The following FSCB variants were observed in gnomAD, a reference collection of about 807,000 sequenced individuals.
FSCB encodes fibrous sheath CABYR-binding protein.
For missense variants in FSCB, 975 were observed against 934.8 expected, an observed-to-expected ratio of 1.04 and a Z score of -0.56; for synonymous variants, 331 against 336.6, an observed-to-expected ratio of 0.98 and a Z score of 0.18.
rs1000733264 is a variant in FSCB at position 44,506,540 on chromosome 14, T to C, written c.448A>G (p.Lys150Glu). ...WTMMNIPPVE[K>E]VDKEQQTYFS... ...TATGTCTGTTGTTCCTTGTCCACTT[T>C]TTCTACAGGGGGGATGTTCATCATG... Residue 150 changes from lysine (K) to glutamate (E), a missense_variant, in exon 1 of 1, where the codon AAA becomes GAA. Transcript: ENST00000340446. 2 of 1,614,210 alleles carry C rather than the reference T, an allele frequency of 1.2e-6. No individual in the cohort carries two copies. Among genetic ancestry groups the C allele is most frequent in the Admixed American group, 1.7e-5 (1 of 60,024 alleles).
chr14:44,505,540 G>C lies in FSCB; in HGVS notation c.1448C>G (p.Pro483Arg). The change falls in exon 1 of 1, where the codon CCT becomes CGT. Residue 483 changes from proline (P) to arginine (R), a missense_variant. Physicochemically the swap from Pro to Arg is moderately radical, Grantham distance 103. Transcript: ENST00000340446. The stretch of plus-strand genomic sequence containing the variant: ...AGCTTCGGCAGGAGTTTCATCTGCA[G>C]GAGGCTCCGTAGCTGCTAGAAGCTG... ...EIQLLAATEP[P>R]ADETPAEARS... The C allele has an allele frequency of 6.2e-7, 1 of 1,612,386 alleles. No homozygotes were observed. Among genetic ancestry groups the C allele is most frequent in the Non-Finnish European group, 8.5e-7 (1 of 1,179,910 alleles).
chr14:44,505,881 A>G lies in FSCB; in HGVS notation c.1107T>C (p.Pro369=). 2 of 1,613,756 alleles carry G rather than the reference A, an allele frequency of 1.2e-6. No individual in the cohort carries two copies. The highest frequency in any genetic ancestry group is 1.7e-6 in the Non-Finnish European group (2 of 1,179,754). ...CTGAAGGAGACTTTTCAGCTGGTGG[A>G]GGCAGAATTTCAGCAGGAGGCTCTT... ...PSEEPPAEIL[P]PPAEKSPSVE... Residue 369 remains proline, a synonymous_variant, in exon 1 of 1, where the codon CCT becomes CCC. Coordinates refer to ENST00000340446, the MANE Select transcript of FSCB (RefSeq NM_032135.4).
In FSCB at chr14:44,505,486, G is replaced by A; in HGVS notation, c.1502C>T (p.Ala501Val). The A allele has an allele frequency of 6.2e-7, 1 of 1,612,294 alleles. No homozygotes were observed. The highest frequency in any genetic ancestry group is 2.2e-5 in the East Asian group (1 of 44,828). Residue 501 changes from alanine to valine, a missense_variant, in exon 1 of 1, where the codon GCA becomes GTA. Transcript: ENST00000340446. The part of the protein sequence containing the change: ...ARSPLSEETS[A>V]EEAHAEVQSP... ...TTGAACTTCAGCATGAGCCTCTTCT[G>A]CAGAAGTCTCCTCAGATAGTGGAGA...
chr14:44,505,135 G>C lies in FSCB; in HGVS notation c.1853C>G (p.Ala618Gly). The C allele has an allele frequency of 6.2e-7, 1 of 1,606,006 alleles. No individual in the cohort carries two copies. The highest frequency in any genetic ancestry group is 8.5e-7 in the Non-Finnish European group (1 of 1,178,990). The change falls in exon 1 of 1, where the codon GCC becomes GGC. Residue 618 changes from alanine (A) to glycine (G), a missense_variant. By Grantham distance (60) the Ala-to-Gly change is moderately conservative (BLOSUM62 0). Coordinates refer to ENST00000340446, the MANE Select transcript of FSCB (RefSeq NM_032135.4). The part of the protein sequence containing the change: ...AEVQPPPAEE[A>G]PAEVQPPPAE... ...TGGTGGAGGCTGAACTTCAGCGGGG[G>C]CCTCCTCAGCTGGTGGAGGCTGAAC...
chr14:44,507,012 T>TAATGATACGG lies in FSCB; in HGVS notation c.-26_-25insCCGTATCATT. ...TTGGTTTGCTGGGTCATCTTCTCTTTCGAATTTCTTGCCTACACGCTGAGA... is the reference window on the plus strand; with the variant it reads ...TTGGTTTGCTGGGTCATCTTCTCTTTAATGATACGGCGAATTTCTTGCCTACACGCTGAGA... On this transcript the variant is annotated 5_prime_UTR_variant, in exon 1 of 1. An upstream open reading frame in the 5' UTR loses its in-frame stop. Coordinates refer to ENST00000340446, the MANE Select transcript of FSCB (RefSeq NM_032135.4). The TAATGATACGG allele has an allele frequency of 6.5e-7, 1 of 1,531,702 alleles. No individual in the cohort carries two copies. Among genetic ancestry groups the TAATGATACGG allele is most frequent in the South Asian group, 1.3e-5 (1 of 77,342 alleles). The allele number at this position is 1,531,702 out of a possible 1,614,324, so 94.9% of individuals were successfully genotyped here.
Position 44,506,378 on chromosome 14 carries a change from T to C in FSCB, c.610A>G (p.Ser204Gly), listed in dbSNP as rs1409975805. The C allele has an allele frequency of 1.2e-6, 2 of 1,614,072 alleles. No individual in the cohort carries two copies. The highest frequency in any genetic ancestry group is 1.3e-5 in the African/African-American group (1 of 74,938). ...EHPEFQPATN[S>G]NEEIGQKNIS... ...TTTTTCTGCCCAATTTCTTCATTGC[T>C]GTTTGTTGCTGGTTGAAATTCAGGG... Residue 204 changes from serine (S) to glycine (G), a missense_variant, in exon 1 of 1, where the codon AGC (serine) becomes GGC (glycine). By Grantham distance (56) the Ser-to-Gly change is moderately conservative (BLOSUM62 0). Transcript: ENST00000340446.
chr14:44,505,005 T>G lies in FSCB; in HGVS notation c.1983A>C (p.Pro661=), dbSNP rs1881031907. 1 of 1,266,854 alleles carries G rather than the reference T, an allele frequency of 7.9e-7. No homozygotes were observed. Among genetic ancestry groups the G allele is most frequent in the African/African-American group, 1.6e-5 (1 of 60,712 alleles). 78.5% of individuals were successfully genotyped at this position (1,266,854 alleles called of 1,614,324 possible). A position where few individuals can be genotyped will look rare whatever the true frequency, so the allele number is the denominator to read the frequency against. ...CTTCAGCGGGGGCCTCCTCAGCTGG[T>G]GGAGGCTGAACTTCAGCGGGGGCCT... is the stretch of plus-strand genomic sequence containing the variant. ...AEEAPAEVQP[P]PAEEAPAEVQ... Residue 661 remains proline, a synonymous_variant, in exon 1 of 1, where the codon CCA becomes CCC. Coordinates refer to ENST00000340446, the MANE Select transcript of FSCB (RefSeq NM_032135.4).
In FSCB at chr14:44,506,081, C is replaced by A. The variant is rs759014973; in HGVS notation, c.907G>T (p.Ala303Ser). 1 of 1,614,172 alleles carries A rather than the reference C, an allele frequency of 6.2e-7. No homozygotes were observed. Among genetic ancestry groups the A allele is most frequent in the Non-Finnish European group, 8.5e-7 (1 of 1,180,028 alleles). The change falls in exon 1 of 1, where the codon GCT becomes TCT. Residue 303 changes from alanine to serine, a missense_variant. Coordinates refer to ENST00000340446, the MANE Select transcript of FSCB (RefSeq NM_032135.4). ...TCCGCAACTGCAGTGGCTGCCTCAGCATCAGGAGTCTCTTCAGTTGATGGC... is the reference window on the plus strand; with the variant it reads ...TCCGCAACTGCAGTGGCTGCCTCAGAATCAGGAGTCTCTTCAGTTGATGGC... ...VQPSTEETPD[A>S]EAATAVAENS...
Position 44,506,272 on chromosome 14 carries a change from G to C in FSCB, c.716C>G (p.Thr239Ser). 6.2e-7 allele frequency: 1 copy of C among 1,614,142 alleles called. No individual in the cohort carries two copies. Among genetic ancestry groups the C allele is most frequent in the Non-Finnish European group, 8.5e-7 (1 of 1,179,988 alleles). Residue 239 changes from threonine to serine, a missense_variant, in exon 1 of 1, where the codon ACT (threonine) becomes AGT (serine). By Grantham distance (58) the Thr-to-Ser change is moderately conservative (BLOSUM62 1). Coordinates refer to ENST00000340446, the MANE Select transcript of FSCB (RefSeq NM_032135.4). Reference protein sequence around the residue: ...LLEDELREEVTVPVVQEGSAV... With the variant: ...LLEDELREEVSVPVVQEGSAV... ...AGAACCTTCTTGTACAACAGGTACAGTTACTTCTTCCCTAAGCTCATCTTC... is the reference window on the plus strand; with the variant it reads ...AGAACCTTCTTGTACAACAGGTACACTTACTTCTTCCCTAAGCTCATCTTC...
rs149992888 is a variant in FSCB at position 44,505,682 on chromosome 14, C to T, written c.1306G>A (p.Glu436Lys). The stretch of plus-strand genomic sequence containing the variant: ...GTTGAAAGCTGAAGTTCTCGAGCCT[C>T]TTCTCTAGGAGCCTCTTCAGGTAAT... ...PLLPEEAPREEARELQLSTAM... is the reference protein window; with the variant it reads ...PLLPEEAPREKARELQLSTAM... The change falls in exon 1 of 1, where the codon GAG becomes AAG. Residue 436 changes from glutamate (E) to lysine (K), a missense_variant. Glu to Lys is a moderately conservative substitution (Grantham distance 56). Coordinates refer to ENST00000340446, the MANE Select transcript of FSCB (RefSeq NM_032135.4). 6.8e-6 allele frequency: 11 copies of T among 1,613,166 alleles called. No individual in the cohort carries two copies. Among genetic ancestry groups the T allele is most frequent in the Non-Finnish European group, 9.3e-6 (11 of 1,179,630 alleles).
Position 44,506,058 on chromosome 14 carries a change from C to T in FSCB, c.930G>A (p.Ala310=), listed in dbSNP as rs773036021. The change falls in exon 1 of 1, where the codon GCG becomes GCA. Residue 310 remains alanine (A), a synonymous_variant. Coordinates refer to ENST00000340446, the MANE Select transcript of FSCB (RefSeq NM_032135.4). Reference sequence around the variant, plus strand: ...GAGGCTGAACTTTAACAGAATTCTCCGCAACTGCAGTGGCTGCCTCAGCAT... The same window carrying T: ...GAGGCTGAACTTTAACAGAATTCTCTGCAACTGCAGTGGCTGCCTCAGCAT... ...TPDAEAATAV[A]ENSVKVQPPP... is the part of the protein sequence containing the mutation. 19 of 1,613,992 alleles carry T rather than the reference C, an allele frequency of 1.2e-5. No homozygotes were observed. The highest frequency in any genetic ancestry group is 1.1e-4 in the South Asian group (10 of 91,076).
rs779806785 is a variant in FSCB at position 44,504,544 on chromosome 14, T to A, written c.2444A>T (p.His815Leu). ...AGGAGGACGTTGTTTTAATTCTATA[T>A]GAAAAACACTTTCTATTTCAAGAGT... ...APTLEIESVF[H>L]IELKQRPPEL Residue 815 changes from histidine (H) to leucine (L), a missense_variant, in exon 1 of 1, where the codon CAT becomes CTT. Physicochemically the swap from His to Leu is moderately conservative, Grantham distance 99. Coordinates refer to ENST00000340446, the MANE Select transcript of FSCB (RefSeq NM_032135.4). The A allele has an allele frequency of 1.2e-6, 2 of 1,612,730 alleles. No individual in the cohort carries two copies. The highest frequency in any genetic ancestry group is 2.2e-5 in the South Asian group (2 of 90,894).
chr14:44,505,273 G>T lies in FSCB; in HGVS notation c.1715C>A (p.Ala572Asp). ...TGATGGAGGCTGAAGCTCAAGAGGG[G>T]CCTCTTCTATAGAAACTCCCTTAGC... The part of the protein sequence containing the change: ...PSAKGVSIEE[A>D]PLELQPPSGE... The change falls in exon 1 of 1, where the codon GCC becomes GAC. Residue 572 changes from alanine to aspartate, a missense_variant. Ala to Asp is a moderately radical substitution (Grantham distance 126, BLOSUM62 -2). Coordinates refer to ENST00000340446, the MANE Select transcript of FSCB (RefSeq NM_032135.4). 2 of 1,612,906 alleles carry T rather than the reference G, an allele frequency of 1.2e-6. No homozygotes were observed. The highest frequency in any genetic ancestry group is 1.8e-4 in the Middle Eastern group (1 of 5,668).
rs1326178797 is a variant in FSCB at position 44,506,526 on chromosome 14, T to C, written c.462A>G (p.Glu154=). 1 of 1,614,202 alleles carries C rather than the reference T, an allele frequency of 6.2e-7. No individual in the cohort carries two copies. The highest frequency in any genetic ancestry group is 8.5e-7 in the Non-Finnish European group (1 of 1,180,034). The change falls in exon 1 of 1, where the codon GAA becomes GAG. Residue 154 remains glutamate (E), a synonymous_variant. Coordinates refer to ENST00000340446, the MANE Select transcript of FSCB (RefSeq NM_032135.4). The stretch of plus-strand genomic sequence containing the variant: ...CTGATTCACTAAAGTATGTCTGTTG[T>C]TCCTTGTCCACTTTTTCTACAGGGG... ...NIPPVEKVDK[E]QQTYFSESEI...
Position 44,506,177 on chromosome 14 carries a change from G to A in FSCB, c.811C>T (p.Pro271Ser). 1 of 1,614,168 alleles carries A rather than the reference G, an allele frequency of 6.2e-7. No individual in the cohort carries two copies. Among genetic ancestry groups the A allele is most frequent in the Non-Finnish European group, 8.5e-7 (1 of 1,180,020 alleles). The change falls in exon 1 of 1, where the codon CCT becomes TCT. Residue 271 changes from proline (P) to serine (S), a missense_variant. Physicochemically the swap from Pro to Ser is moderately conservative, Grantham distance 74. Coordinates refer to ENST00000340446, the MANE Select transcript of FSCB (RefSeq NM_032135.4). The part of the protein sequence containing the change: ...STEKFPAKIQ[P>S]PLVEEATAKA... ...GCAGTGGCCTCTTCAACTAATGGAGGCTGTATTTTAGCTGGGAATTTTTCT... is the reference window on the plus strand; with the variant it reads ...GCAGTGGCCTCTTCAACTAATGGAGACTGTATTTTAGCTGGGAATTTTTCT...
In FSCB at chr14:44,507,056, C is replaced by G; in HGVS notation, c.-69G>C. ...GCTGAGATAGGCTGATTAGAGTCAT[C>G]ACTTTCTTCCATTTCTAAGAGTAGT... On this transcript the variant is annotated 5_prime_UTR_variant, in exon 1 of 1. Coordinates refer to ENST00000340446, the MANE Select transcript of FSCB (RefSeq NM_032135.4). 8.8e-7 allele frequency: 1 copy of G among 1,141,136 alleles called. No individual in the cohort carries two copies. Among genetic ancestry groups the G allele is most frequent in the East Asian group, 2.4e-5 (1 of 41,224 alleles). 70.7% of individuals were successfully genotyped at this position (1,141,136 alleles called of 1,614,324 possible).
At position 44,504,526 on chromosome 14, in the gene FSCB, C is replaced by T. The variant is rs764660753; in HGVS notation, c.2462G>A (p.Arg821His). Residue 821 changes from arginine (R) to histidine (H), a missense_variant, in exon 1 of 1, where the codon CGT becomes CAT. Arg to His is a conservative substitution (Grantham distance 29). Coordinates refer to ENST00000340446, the MANE Select transcript of FSCB (RefSeq NM_032135.4). ...ESVFHIELKQ[R>H]PPEL ...ACAACCTGACTACAGTTCAGGAGGA[C>T]GTTGTTTTAATTCTATATGAAAAAC... 41 of 1,607,568 alleles carry T rather than the reference C, an allele frequency of 2.6e-5. No individual in the cohort carries two copies. Among genetic ancestry groups the T allele is most frequent in the Middle Eastern group, 1.7e-4 (1 of 6,030 alleles).
chr14:44,504,579 TCC>T, the FSCB span: 1 of 1,614,106 alleles, frequency 6.2e-7, no homozygotes, highest in Non-Finnish European at 8.5e-7. Flanking sequence ...TGGGAGCCTG[TCC>T]ATCATTGGTA....
chr14:44,506,105 G>T lies in FSCB; in HGVS notation c.883C>A (p.Pro295Thr), dbSNP rs1426275566. Residue 295 changes from proline (P) to threonine (T), a missense_variant, in exon 1 of 1, where the codon CCA (proline) becomes ACA (threonine). By Grantham distance (38) the Pro-to-Thr change is conservative. Transcript: ENST00000340446. ...GCATCAGGAGTCTCTTCAGTTGATG[G>T]CTGTACTTGGACATGGGTCTCTTCA... The part of the protein sequence containing the change: ...PAEETHVQVQ[P>T]STEETPDAEA... The T allele has an allele frequency of 6.2e-7, 1 of 1,614,116 alleles. No individual in the cohort carries two copies. Among genetic ancestry groups the T allele is most frequent in the Non-Finnish European group, 8.5e-7 (1 of 1,180,012 alleles).
Sources: gnomAD v4.1 joint callset for allele counts on GRCh38, gnomAD v4.1.1 for gene constraint, MANE v1.5 for transcripts, NCBI Gene and HGNC (gene_info 2026-07-23, HGNC 2026-07-21) for gene names.